The following CMSS1 variants were observed in gnomAD, a reference collection of about 807,000 sequenced individuals.
CMSS1 encodes protein CMSS1.
Under a neutral mutation model 43.5 loss-of-function variants are expected in CMSS1, and 33 were observed. The observed-to-expected ratio is 0.76, with a 90% confidence interval of 0.57 to 1.01. The LOEUF is 1.01. Among genes scored for constraint, CMSS1 ranks in the 50% least tolerant of loss-of-function variants. The pLI is 0.00. For missense variants in CMSS1, 313 were observed against 326.4 expected (o/e 0.96, Z 0.32); for synonymous variants, 115 against 117.2 (o/e 0.98, Z 0.12).
intron 1 of CMSS1, among the ~76,000 whole-genome samples, chr3:100,135,438 ATGTGTGTGTGTGTGTGTGTG>A (rs71132511): frequency 2.9e-4 from 35 of 120,834 alleles, no homozygotes; most frequent in African/African-American, 8.1e-4. Context: ...GTGTGTGTGC[ATGTGTGTGTGTGTGTGTGTG>A]TGTGTGTGTG....
At chr3:99,953,283 A>G (rs1576597357) in intron 1 of CMSS1, among the ~76,000 whole-genome samples, 2 of 152,078 alleles carry the variant, frequency 1.3e-5, no homozygotes, top group African/African-American at 4.8e-5. Flanking sequence ...ACCTGCTTCT[A>G]CCTTCTACCC....
chr3:100,151,093 T>C (rs987156393), intron 2 of CMSS1, among the ~76,000 whole-genome samples: 2 of 152,226 alleles, frequency 1.3e-5, no homozygotes, highest in Admixed American at 6.5e-5. Flanking sequence ...GCTACTACTT[T>C]ATTTGACCAT....
intron 1 of CMSS1, among the ~76,000 whole-genome samples, chr3:99,978,714 G>A (rs1022435632): frequency 6.6e-6 from 1 of 152,076 alleles, no homozygotes; most frequent in African/African-American, 2.4e-5. Context: ...GGCTAACATG[G>A]CAAAACCCCG....
intron 1 of CMSS1, among the ~76,000 whole-genome samples, chr3:99,889,879 A>G (rs1706029215): frequency 6.6e-6 from 1 of 152,100 alleles, no homozygotes; most frequent in African/African-American, 2.4e-5. Context: ...TTGTTATTAT[A>G]TATTTTAGTT....
Position 100,180,029 on chromosome 3 carries a change from G to A in CMSS1, c.*1641G>A, listed in dbSNP as rs1313065286. The A allele has an allele frequency of 1.3e-5, 2 of 152,396 alleles. No homozygotes were observed. Among genetic ancestry groups the A allele is most frequent in the African/African-American group, 4.8e-5 (2 of 41,480 alleles). The allele number at this position is 152,396 out of a possible 1,614,324, so 9.4% of individuals were successfully genotyped here. A position where few individuals can be genotyped will look rare whatever the true frequency, so the allele number is the denominator to read the frequency against. ...TGGGGCTTGCACCCTCTGAAGCAAT[G>A]GTTCAGCTGTACCTTGGCCCCTTTT... On this transcript the variant is annotated 3_prime_UTR_variant, in exon 10 of 10. Coordinates refer to ENST00000421999, the MANE Select transcript of CMSS1 (RefSeq NM_032359.4).
At chr3:100,172,048 A>G in intron 7 of CMSS1, 149 bp downstream of exon 7, 2 of 675,232 alleles carry the variant, frequency 3.0e-6, no homozygotes, top group East Asian at 2.7e-5. Flanking sequence ...TTTAAATTCT[A>G]TGCTTCTGCA....
intron 1 of CMSS1, among the ~76,000 whole-genome samples, chr3:100,083,608 C>A (rs1401995697): frequency 6.6e-6 from 1 of 152,196 alleles, no homozygotes; most frequent in Non-Finnish European, 1.5e-5. Flanking sequence ...TTGCTTAGTG[C>A]ATGCTTCTTT....
intron 1 of CMSS1, among the ~76,000 whole-genome samples, chr3:99,947,336 C>T (rs2107683908): frequency 6.6e-6 from 1 of 152,254 alleles, no homozygotes; most frequent in South Asian, 2.1e-4. Flanking sequence ...TAGCTATTGT[C>T]ATAAATCTTC....
intron 1 of CMSS1, among the ~76,000 whole-genome samples, chr3:100,051,843 A>G (rs1189389975): frequency 6.7e-6 from 1 of 148,832 alleles, no homozygotes; most frequent in Non-Finnish European, 1.5e-5. Flanking sequence ...TTTATTATAT[A>G]TATTTTTTAT....
chr3:100,163,380 G>C (rs1435774804), intron 4 of CMSS1, among the ~76,000 whole-genome samples: 2 of 152,122 alleles, frequency 1.3e-5, no homozygotes, highest in Non-Finnish European at 2.9e-5. Flanking sequence ...CAAGCAAACT[G>C]TCAAAAGGTA....
At chr3:99,847,351 T>TC (rs1017593622) in intron 1 of CMSS1, among the ~76,000 whole-genome samples, 18 of 151,900 alleles carry the variant, frequency 1.2e-4, no homozygotes, top group Admixed American at 3.3e-4. Flanking sequence ...CATTTTCTTT[T>TC]TTTTTTTTTG....
chr3:99,821,316 C>G (rs569331981), intron 1 of CMSS1, among the ~76,000 whole-genome samples: 2 of 152,278 alleles, frequency 1.3e-5, no homozygotes, highest in South Asian at 4.1e-4. Context: ...AATTTCTCAT[C>G]CAATCTAGAC....
intron 1 of CMSS1, among the ~76,000 whole-genome samples, chr3:99,845,602 C>T (rs1943328864): frequency 6.6e-6 from 1 of 152,142 alleles, no homozygotes; most frequent in Non-Finnish European, 1.5e-5. Context: ...GTTCTGTAAT[C>T]TTCCAATCTC....
intron 3 of CMSS1, 29 bp from the exon 4 acceptor site, chr3:100,162,274 T>C: frequency 6.3e-7 from 1 of 1,598,294 alleles, no homozygotes; most frequent in South Asian, 1.1e-5. Flanking sequence ...AAATATGTCG[T>C]CCCATTTTTC....
chr3:99,865,821 G>GT (rs1338393113), intron 1 of CMSS1, among the ~76,000 whole-genome samples: 4 of 151,802 alleles, frequency 2.6e-5, no homozygotes, highest in South Asian at 2.1e-4. Flanking sequence ...ATATTTATAT[G>GT]TTTTTTTATT....
intron 1 of CMSS1, among the ~76,000 whole-genome samples, chr3:99,983,411 T>TAC (rs1396694852): frequency 2.8e-5 from 3 of 108,546 alleles, no homozygotes; most frequent in African/African-American, 1.2e-4. Flanking sequence ...TATATATATA[T>TAC]ATATATATGT....
At chr3:99,914,525 T>G (rs1225464350) in intron 1 of CMSS1, among the ~76,000 whole-genome samples, 1 of 152,224 alleles carries the variant, frequency 6.6e-6, no homozygotes, top group Non-Finnish European at 1.5e-5. Flanking sequence ...TTATACTCTT[T>G]ACAACATCAT....
At chr3:99,871,562 A>G (rs1316239297) in intron 1 of CMSS1, among the ~76,000 whole-genome samples, 2 of 152,208 alleles carry the variant, frequency 1.3e-5, no homozygotes, top group Non-Finnish European at 2.9e-5. Context: ...AAAGCAGGGT[A>G]AGTACCACCA....
rs138171100 is a variant in CMSS1 at position 99,924,412 on chromosome 3, C to T, written c.64+106369C>T. 1.5e-3 allele frequency: 2,382 copies of T among 1,613,276 alleles called. 38 individuals are homozygous for T. The African/African-American group carries it at 0.025, about 17-fold the overall frequency. Reference sequence around the variant, plus strand: ...GTTTTTCCACAACTTTGTCCAACTACGAAAGAAAACATTTATAGCCTGTTA... The same window carrying T: ...GTTTTTCCACAACTTTGTCCAACTATGAAAGAAAACATTTATAGCCTGTTA... On this transcript the variant is annotated intron_variant, in intron 1 of 9. Transcript: ENST00000421999.
Sources: allele counts gnomAD v4.1 joint callset (sites outside exome capture counted in the v4.1 genomes callset), GRCh38; gene constraint gnomAD v4.1.1; transcripts MANE v1.5; gene names NCBI Gene and HGNC (gene_info 2026-07-23, HGNC 2026-07-21).